Variants in AAMDC observed in about 807,000 individuals in gnomAD.
AAMDC encodes the protein mth938 domain-containing protein.
In AAMDC, 16 loss-of-function variants were observed where a neutral mutation model predicts 15.5. The observed-to-expected ratio is 1.03, with a 90% confidence interval of 0.70 to 1.57. The LOEUF is 1.57. Ranked by LOEUF, AAMDC falls within the 40% of genes most tolerant of loss-of-function variation. The probability of loss-of-function intolerance (pLI) is 0.00; values close to 1 mark genes in which losing one functional copy is unlikely to be tolerated. For missense variants in AAMDC, 141 were observed against 144.9 expected, an observed-to-expected ratio of 0.97 and a Z score of 0.14; for synonymous variants, 51 against 51.6, an observed-to-expected ratio of 0.99 and a Z score of 0.05.
intron 5 of AAMDC, among the ~76,000 whole-genome samples, chr11:77,897,216 A>G (rs536663257): frequency 6.1e-4 from 93 of 152,036 alleles, no homozygotes; most frequent in Non-Finnish European, 1.1e-3. Flanking sequence ...TATAAAGATT[A>G]TAAGTGGTGG....
intron 5 of AAMDC, chr11:77,883,720 C>T: frequency 8.6e-7 from 1 of 1,168,906 alleles, no homozygotes; most frequent in Non-Finnish European, 1.2e-6. Flanking sequence ...TCAATTCTTA[C>T]AAGGCCTGAT....
chr11:77,897,912 G>A (rs1356415361), intron 5 of AAMDC, among the ~76,000 whole-genome samples: 2 of 151,666 alleles, frequency 1.3e-5, no homozygotes, highest in Non-Finnish European at 2.9e-5. Flanking sequence ...GGGCTCAAGG[G>A]ATCCTCCCAC....
At chr11:77,864,796 T>C (rs1034913231) in intron 2 of AAMDC, among the ~76,000 whole-genome samples, 7 of 151,912 alleles carry the variant, frequency 4.6e-5, no homozygotes, top group South Asian at 4.2e-4. Flanking sequence ...CTGGGAAATA[T>C]AGAGAGACCT....
intron 5 of AAMDC, among the ~76,000 whole-genome samples, chr11:77,888,743 C>T (rs1591009272): frequency 1.3e-5 from 2 of 152,220 alleles, no homozygotes; most frequent in African/African-American, 4.8e-5. Flanking sequence ...AAACAAACAA[C>T]CCCATCAAAA....
At chr11:77,849,944 A>G (rs992924591) in intron 2 of AAMDC, among the ~76,000 whole-genome samples, 1 of 152,180 alleles carries the variant, frequency 6.6e-6, no homozygotes, top group Admixed American at 6.5e-5. Context: ...TATAGCACTT[A>G]GCACAGTTCA....
Position 77,841,302 on chromosome 11 carries a change from G to A in AAMDC, c.-18-1177G>A. On this transcript the variant is annotated intron_variant, in intron 1 of 3. Coordinates refer to ENST00000393427, the MANE Select transcript of AAMDC (RefSeq NM_024684.4). ...GAAGGGTGCAGACATTCAAACCATAGCACTAAACTAAATCTATGAATTCTC... is the reference window on the plus strand; with the variant it reads ...GAAGGGTGCAGACATTCAAACCATAACACTAAACTAAATCTATGAATTCTC... 5 of 691,822 alleles carry A rather than the reference G, an allele frequency of 7.2e-6. No individual in the cohort carries two copies. In the South Asian group the frequency reaches 7.5e-5, roughly 10 times the overall value. The allele number at this position is 691,822 out of a possible 1,614,324, so 42.9% of individuals were successfully genotyped here.
At chr11:77,900,031 C>A (rs1220988515) in intron 5 of AAMDC, among the ~76,000 whole-genome samples, 1 of 151,814 alleles carries the variant, frequency 6.6e-6, no homozygotes, top group Non-Finnish European at 1.5e-5. Context: ...ATCACAAGCA[C>A]CTTTGTTTTT....
At position 77,855,469 on chromosome 11, in the gene AAMDC, G is replaced by A. The variant is rs142745766; in HGVS notation, c.132+12841G>A. On this transcript the variant is annotated intron_variant, in intron 2 of 3. Coordinates refer to ENST00000393427, the MANE Select transcript of AAMDC (RefSeq NM_024684.4). ...CAAGTAGCTGGGACTACAGGTGCCT[G>A]CCACCACACCCAGGTAACTTTTTCT... is the stretch of plus-strand genomic sequence containing the variant. 1,322 of 194,998 alleles carry A rather than the reference G, an allele frequency of 6.8e-3. 8 individuals carry two copies. Among genetic ancestry groups the A allele is most frequent in the Non-Finnish European group, 0.011 (1,023 of 94,814 alleles). 12.1% of individuals were successfully genotyped at this position (194,998 alleles called of 1,614,324 possible).
At chr11:77,900,334 C>T (rs1366264107) in intron 5 of AAMDC, among the ~76,000 whole-genome samples, 3 of 152,098 alleles carry the variant, frequency 2.0e-5, no homozygotes, top group Non-Finnish European at 4.4e-5. Flanking sequence ...CTCCTGACCT[C>T]GTGATCTGCC....
At chr11:77,867,296 C>T (rs1951164229) in intron 2 of AAMDC, among the ~76,000 whole-genome samples, 2 of 139,944 alleles carry the variant, frequency 1.4e-5, no homozygotes, top group African/African-American at 5.6e-5. Flanking sequence ...GAAGGTACCC[C>T]TTCTACAACC....
rs1350661760 is a variant in AAMDC at position 77,825,972 on chromosome 11, G to A, written c.-19+4731G>A. On this transcript the variant is annotated intron_variant, in intron 1 of 3. Transcript: ENST00000393427. ...CTCCCAAAGTGCTGGGATTACAAGC[G>A]TGAGCCACCGTCTTACTACCCATCT... 3.3e-5 allele frequency among the ~76,000 whole-genome samples: 5 copies of A among 152,054 alleles called. No individual in the cohort carries two copies. In the South Asian group the frequency reaches 8.3e-4, roughly 25 times the overall value.
chr11:77,898,974 C>T (rs554055138), intron 5 of AAMDC, among the ~76,000 whole-genome samples: 4 of 152,230 alleles, frequency 2.6e-5, no homozygotes, highest in East Asian at 3.9e-4. Context: ...GAGTTGAGAT[C>T]GTGCCACTGC....
chr11:77,872,721 G>A (rs1346711534), downstream of AAMDC, among the ~76,000 whole-genome samples: 1 of 152,158 alleles, frequency 6.6e-6, no homozygotes, highest in African/African-American at 2.4e-5. Context: ...GCCGAGGTGG[G>A]CAGATCACTT....
At chr11:77,903,801 G>A (rs1237248092), downstream of AAMDC, among the ~76,000 whole-genome samples, 2 of 152,082 alleles carry the variant, frequency 1.3e-5, no homozygotes, top group African/African-American at 2.4e-5. Context: ...AATGGTTTGG[G>A]CTAAATGAAT....
intron 1 of AAMDC, among the ~76,000 whole-genome samples, chr11:77,825,464 A>T (rs1230902644): frequency 1.3e-5 from 2 of 152,142 alleles, no homozygotes; most frequent in South Asian, 2.1e-4. Flanking sequence ...AGGTATATGG[A>T]CTTAATATTA....
At chr11:77,861,785 G>T (rs867895120) in intron 2 of AAMDC, among the ~76,000 whole-genome samples, 10 of 152,112 alleles carry the variant, frequency 6.6e-5, no homozygotes, top group Admixed American at 3.9e-4. Context: ...TGACTAAAGC[G>T]GTGGCCTTTT....
intron 2 of AAMDC, among the ~76,000 whole-genome samples, chr11:77,858,459 C>T (rs1303321888): frequency 6.6e-6 from 1 of 151,860 alleles, no homozygotes; most frequent in African/African-American, 2.4e-5. Context: ...TTCTTTACCT[C>T]CTGTTTTTGC....
intron 1 of AAMDC, among the ~76,000 whole-genome samples, chr11:77,831,719 A>C (rs1949434409): frequency 6.8e-6 from 1 of 146,116 alleles, no homozygotes; most frequent in Non-Finnish European, 1.5e-5. Context: ...TTTCTGAGAC[A>C]GGGTCTCACT....
chr11:77,839,326 G>T (rs1278675317), intron 1 of AAMDC, among the ~76,000 whole-genome samples: 1 of 151,992 alleles, frequency 6.6e-6, no homozygotes, highest in Non-Finnish European at 1.5e-5. Context: ...GTTTGTTTTT[G>T]TAGAAACCAG....
Sources: gnomAD v4.1 joint callset for allele counts (sites outside exome capture counted in the v4.1 genomes callset) on GRCh38, gnomAD v4.1.1 for gene constraint, MANE v1.5 for transcripts, NCBI Gene and HGNC (gene_info 2026-07-23, HGNC 2026-07-21) for gene names.